The following SH3PXD2A variants were observed in gnomAD, a reference collection of about 807,000 sequenced individuals.
SH3PXD2A encodes SH3 and PX domain-containing protein 2A.
In SH3PXD2A, 32 loss-of-function variants were observed where a neutral mutation model predicts 115.2. That is an observed-to-expected ratio of 0.28 (90% CI 0.21 to 0.37). The LOEUF (loss-of-function observed/expected upper bound fraction) is 0.37, where lower values mean the gene tolerates loss of function less well. SH3PXD2A is among the 10% of genes least tolerant of loss of function. The pLI is 1.00. For synonymous variants in SH3PXD2A, 610 were observed against 629.1 expected (o/e 0.97, Z 0.45); for missense variants, 1,328 against 1,498.7 (o/e 0.89, Z 1.88).
chr10:103,654,520 T>C (rs1173496888), intron 8 of SH3PXD2A, among the ~76,000 whole-genome samples: 1 of 152,198 alleles, frequency 6.6e-6, no homozygotes, highest in African/African-American at 2.4e-5. Flanking sequence ...CTGTCACTTA[T>C]TGAGCACCCA....
intron 8 of SH3PXD2A, among the ~76,000 whole-genome samples, chr10:103,649,951 A>G (rs1592281907): frequency 6.6e-6 from 1 of 152,296 alleles, no homozygotes; most frequent in Admixed American, 6.5e-5. Flanking sequence ...GGAGCACACC[A>G]TGCATCCTTC....
chr10:103,814,013 A>C (rs4917402), intron 1 of SH3PXD2A, among the ~76,000 whole-genome samples: 4,682 of 116,578 alleles, frequency 0.04, 115 homozygotes, highest in Admixed American at 0.068. Flanking sequence ...AAAAAAAAAA[A>C]AACAACAAAA....
intron 1 of SH3PXD2A, among the ~76,000 whole-genome samples, chr10:103,832,370 G>GAAAAAAAAAAAA (rs58886791): frequency 7.8e-6 from 1 of 128,036 alleles, no homozygotes; most frequent in African/African-American, 3.0e-5. Flanking sequence ...AACCTAAAAA[G>GAAAAAAAAAAAA]AAAAAAAAAA....
chr10:103,650,142 G>T (rs1459430272), intron 8 of SH3PXD2A, among the ~76,000 whole-genome samples: 1 of 152,124 alleles, frequency 6.6e-6, no homozygotes, highest in Non-Finnish European at 1.5e-5. Flanking sequence ...AGTAACAGGC[G>T]GAAGGGCCCA....
At chr10:103,833,534 G>A (rs573864735) in intron 1 of SH3PXD2A, among the ~76,000 whole-genome samples, 7 of 152,092 alleles carry the variant, frequency 4.6e-5, no homozygotes, top group Admixed American at 1.3e-4. Flanking sequence ...TTGAAGTGGC[G>A]AAAAAGTTAG....
intron 3 of SH3PXD2A, among the ~76,000 whole-genome samples, chr10:103,737,092 C>T (rs1051830966): frequency 3.3e-5 from 5 of 152,188 alleles, no homozygotes; most frequent in African/African-American, 9.7e-5. Flanking sequence ...GGGTGGCTAG[C>T]ACAAGACAGG....
Position 103,762,666 on chromosome 10 carries a change from C to T in SH3PXD2A, c.229+4428G>A, listed in dbSNP as rs192095492. ...ATAGCTTCTCATTGCCCTTCCAAGG[C>T]TCTGCAGACTTCATAAAGGCTGGTG... On this transcript the variant is annotated intron_variant, in intron 3 of 14. Coordinates refer to ENST00000369774, the MANE Select transcript of SH3PXD2A (RefSeq NM_001394015.1). Among the ~76,000 whole-genome samples the T allele has an allele frequency of 2.3e-3, 347 of 152,330 alleles. 4 individuals carry two copies. Among genetic ancestry groups the T allele is most frequent in the Non-Finnish European group, 3.4e-3 (232 of 68,034 alleles).
intron 2 of SH3PXD2A, among the ~76,000 whole-genome samples, chr10:103,783,455 GCA>G (rs201177276): frequency 6.3e-5 from 4 of 63,852 alleles, no homozygotes; most frequent in Non-Finnish European, 1.6e-4. Context: ...TCTCTGGGGG[GCA>G]GAGTCTGAGA....
chr10:103,827,403 T>A (rs1429176655), intron 1 of SH3PXD2A, among the ~76,000 whole-genome samples: 5 of 152,180 alleles, frequency 3.3e-5, no homozygotes, highest in Admixed American at 3.3e-4. Context: ...TCTATCATGG[T>A]ATCATGCAAA....
At chr10:103,733,181 G>A (rs1336011964) in intron 4 of SH3PXD2A, among the ~76,000 whole-genome samples, 3 of 152,060 alleles carry the variant, frequency 2.0e-5, no homozygotes, top group Admixed American at 1.3e-4. Flanking sequence ...AATCAGGTTA[G>A]GAGGTCCCTC....
At position 103,676,130 on chromosome 10, in the gene SH3PXD2A, AGGAATTGG is replaced by A. The variant is rs569809305; in HGVS notation, c.428-7486_428-7479del. The stretch of plus-strand genomic sequence containing the variant: ...AGACTTAAGCCCAGGCAGGCTGGCC[AGGAATTGG>A]GAACAAAGGGTCCTCATGGGGGATG... On this transcript the variant is annotated intron_variant, in intron 6 of 14. Transcript: ENST00000369774. Among the ~76,000 whole-genome samples the A allele has an allele frequency of 8.0e-3, 1,225 of 152,280 alleles. 7 individuals are homozygous for A. The highest frequency in any genetic ancestry group is 0.02 in the Middle Eastern group (6 of 294).
intron 9 of SH3PXD2A, among the ~76,000 whole-genome samples, chr10:103,626,515 G>A (rs2036697069): frequency 6.6e-6 from 1 of 151,888 alleles, no homozygotes. Flanking sequence ...GCCCAGGCCA[G>A]TGCTGGCTTA....
chr10:103,727,492 T>C (rs781014839), intron 4 of SH3PXD2A, among the ~76,000 whole-genome samples: 5 of 152,238 alleles, frequency 3.3e-5, no homozygotes, highest in Non-Finnish European at 4.4e-5. Context: ...ATCCCGGCTC[T>C]GTGCAAAGTC....
At chr10:103,761,769 G>C (rs1250070627) in intron 3 of SH3PXD2A, among the ~76,000 whole-genome samples, 3 of 152,194 alleles carry the variant, frequency 2.0e-5, no homozygotes, top group Non-Finnish European at 4.4e-5. Context: ...GAGGTGTGCA[G>C]GCAAGAAGGG....
rs1434077560 is a variant in SH3PXD2A at position 103,620,040 on chromosome 10, G to A, written c.802+2430C>T. The stretch of plus-strand genomic sequence containing the variant: ...GCCTTCCAACTCACAGGTGTCCCAA[G>A]GAAGAGAGACTTGCCTGGGCCACAA... On this transcript the variant is annotated intron_variant, in intron 10 of 14. Coordinates refer to ENST00000369774, the MANE Select transcript of SH3PXD2A (RefSeq NM_001394015.1). This position sits in a 1 kb window ranked among gnomAD's most constrained non-coding sequence, Gnocchi z 5.3. 6.6e-6 allele frequency among the ~76,000 whole-genome samples: 1 copy of A among 152,184 alleles called. No individual in the cohort carries two copies. Among genetic ancestry groups the A allele is most frequent in the Admixed American group, 6.5e-5 (1 of 15,284 alleles).
In SH3PXD2A at chr10:103,602,218, A is replaced by G. The variant is rs746057057; in HGVS notation, c.3000T>C (p.Asn1000=). ...GGCCATCAGTGGCCGTGAGTGACTC[A>G]TTCCTCCGCAGGGCGCAGGACAGGT... The part of the protein sequence containing the change: ...DNNLSCALRR[N]ESLTATDGLR... The change falls in exon 15 of 15, where the codon AAT becomes AAC. Residue 1000 remains asparagine (N), a synonymous_variant. Transcript: ENST00000369774. 1.3e-6 allele frequency: 2 copies of G among 1,593,788 alleles called. No individual in the cohort carries two copies. Among genetic ancestry groups the G allele is most frequent in the Admixed American group, 3.4e-5 (2 of 58,656 alleles).
chr10:103,661,071 C>G lies in SH3PXD2A; in HGVS notation c.516G>C (p.Val172=). The change falls in exon 8 of 15, where the codon GTG becomes GTC. Residue 172 remains valine, a synonymous_variant. Transcript: ENST00000369774. ...TAEPMILEQY[V]VVSNYKKQEN... ...CCTGCTTCTTATAGTTGGACACCAC[C>G]ACGTACTGTTCCAGGATCATGGGCT... The G allele has an allele frequency of 6.2e-7, 1 of 1,614,118 alleles. No homozygotes were observed.
At chr10:103,760,359 A>G (rs1211508579) in intron 3 of SH3PXD2A, among the ~76,000 whole-genome samples, 1 of 152,196 alleles carries the variant, frequency 6.6e-6, no homozygotes, top group African/African-American at 2.4e-5. Flanking sequence ...ACTTGAGTCC[A>G]GGAGTTTGAG....
At chr10:103,833,919 T>C (rs2039505550) in intron 1 of SH3PXD2A, among the ~76,000 whole-genome samples, 1 of 152,120 alleles carries the variant, frequency 6.6e-6, no homozygotes, top group African/African-American at 2.4e-5. Flanking sequence ...TAAAAACAAA[T>C]AAAGATGCTT....
Sources: allele counts gnomAD v4.1 joint callset (sites outside exome capture counted in the v4.1 genomes callset), GRCh38; gene constraint gnomAD v4.1.1; non-coding constraint Gnocchi (gnomAD v3.1); transcripts MANE v1.5; gene names NCBI Gene and HGNC (gene_info 2026-07-23, HGNC 2026-07-21).